CDH4: variants seen among roughly 807,000 people sequenced by gnomAD.
CDH4 encodes the protein cadherin 4.
Under a neutral mutation model 86.0 loss-of-function variants are expected in CDH4, and 33 were observed. That is an observed-to-expected ratio of 0.38 (90% CI 0.29 to 0.51). The LOEUF (loss-of-function observed/expected upper bound fraction) is 0.51, where lower values mean the gene tolerates loss of function less well. CDH4 is among the 20% of genes least tolerant of loss of function. The probability of loss-of-function intolerance (pLI) is 0.86; values close to 1 mark genes in which losing one functional copy is unlikely to be tolerated. For missense variants in CDH4, 1,114 were observed against 1,307.4 expected, an observed-to-expected ratio of 0.85 and a Z score of 2.28; for synonymous variants, 555 against 549.4, an observed-to-expected ratio of 1.01 and a Z score of -0.14.
At chr20:61,777,777 C>G (rs1465213923) in intron 4 of CDH4, among the ~76,000 whole-genome samples, 3 of 147,706 alleles carry the variant, frequency 2.0e-5, no homozygotes, top group African/African-American at 7.5e-5. Flanking sequence ...CATACAAAAA[C>G]ACACATCCAC....
At chr20:61,891,553 C>A (rs1391550653) in intron 7 of CDH4, among the ~76,000 whole-genome samples, 1 of 152,256 alleles carries the variant, frequency 6.6e-6, no homozygotes, top group African/African-American at 2.4e-5. Context: ...TCCGAGAGGC[C>A]CCTGACACCT....
At chr20:61,579,285 ATTTTTTTTT>A (rs11483950) in intron 2 of CDH4, among the ~76,000 whole-genome samples, 5 of 129,568 alleles carry the variant, frequency 3.9e-5, no homozygotes, top group African/African-American at 5.9e-5. Flanking sequence ...CTCGATGGAG[ATTTTTTTTT>A]TTTTTTTTTT....
intron 2 of CDH4, among the ~76,000 whole-genome samples, chr20:61,630,071 T>A (rs2086870646): frequency 6.6e-6 from 1 of 152,102 alleles, no homozygotes; most frequent in East Asian, 1.9e-4. Flanking sequence ...AGAGGCAGCA[T>A]CAGCCCCAGA....
intron 3 of CDH4, among the ~76,000 whole-genome samples, chr20:61,751,902 G>T (rs558542225): frequency 6.6e-6 from 1 of 152,210 alleles, no homozygotes; most frequent in African/African-American, 2.4e-5. Flanking sequence ...TCCATTTGAG[G>T]TGGACTGAAA....
rs543489740 is a variant in CDH4 at position 61,258,736 on chromosome 20, C to T, written c.169+3799C>T. ...CATGTGCCTGCCTAATCCTCTTCTT[C>T]CATTCTGCCATCTTTAGTGTGTCAT... On this transcript the variant is annotated intron_variant, in intron 2 of 15. Transcript: ENST00000614565. 2.6e-5 allele frequency among the ~76,000 whole-genome samples: 4 copies of T among 152,346 alleles called. No homozygotes were observed. The East Asian group carries it at 7.7e-4, about 29-fold the overall frequency.
At chr20:61,444,720 T>G (rs559696303) in intron 2 of CDH4, among the ~76,000 whole-genome samples, 1 of 148,616 alleles carries the variant, frequency 6.7e-6, no homozygotes, top group East Asian at 2.0e-4. Context: ...TATATTTGTG[T>G]GTATATGTAT....
At chr20:61,657,035 C>T (rs746982713) in intron 2 of CDH4, among the ~76,000 whole-genome samples, 6 of 152,214 alleles carry the variant, frequency 3.9e-5, no homozygotes, top group African/African-American at 7.2e-5. Context: ...TCTGCAGAGT[C>T]TAGAGCCATT....
At position 61,857,079 on chromosome 20, in the gene CDH4, C is replaced by G. The variant is rs893925048; in HGVS notation, c.877+4181C>G. ...GGAGCGTGTCTTTCCCAAGAGTCCC[C>G]GCAAAAGTCCCAAGGCAGGTTCTCG... On this transcript the variant is annotated intron_variant, in intron 6 of 15. Coordinates refer to ENST00000614565, the MANE Select transcript of CDH4 (RefSeq NM_001794.5). Among the ~76,000 whole-genome samples the G allele has an allele frequency of 2.6e-5, 4 of 152,242 alleles. No homozygotes were observed. In the South Asian group the frequency reaches 8.3e-4, roughly 31 times the overall value.
chr20:61,670,465 C>A (rs1420125599), intron 2 of CDH4, among the ~76,000 whole-genome samples: 1 of 152,174 alleles, frequency 6.6e-6, no homozygotes, highest in East Asian at 1.9e-4. Flanking sequence ...CATCACGTGT[C>A]CCCTGATGGA....
At chr20:61,578,624 C>T (rs947042713) in intron 2 of CDH4, among the ~76,000 whole-genome samples, 24 of 152,176 alleles carry the variant, frequency 1.6e-4, no homozygotes, top group Admixed American at 1.4e-3. Flanking sequence ...AAGGGGTGGT[C>T]GGCCAGGATT....
intron 2 of CDH4, among the ~76,000 whole-genome samples, chr20:61,383,471 GA>G (rs1568822825): frequency 5.5e-5 from 2 of 36,552 alleles, no homozygotes; most frequent in South Asian, 6.9e-4. Flanking sequence ...AGATATATAT[GA>G]ATATATATGA....
chr20:61,445,517 A>G (rs1892308), intron 2 of CDH4, among the ~76,000 whole-genome samples: 87,254 of 151,832 alleles, frequency 0.57, 25,261 homozygotes, highest in African/African-American at 0.64. Flanking sequence ...GGGCAAGACC[A>G]ATGCCCCTCA....
At chr20:61,369,032 T>A (rs73134334) in intron 2 of CDH4, among the ~76,000 whole-genome samples, 26,763 of 152,156 alleles carry the variant, frequency 0.18, 3,038 homozygotes, top group East Asian at 0.37. Flanking sequence ...CAACATTCTG[T>A]AGTTCGTAGC....
At chr20:61,447,578 C>T (rs2085358682) in intron 2 of CDH4, among the ~76,000 whole-genome samples, 1 of 151,426 alleles carries the variant, frequency 6.6e-6, no homozygotes, top group Admixed American at 6.6e-5. Context: ...CCTACTTTCC[C>T]CTTTCCCACT....
At chr20:61,860,562 G>A (rs1181095420) in intron 6 of CDH4, among the ~76,000 whole-genome samples, 2 of 152,188 alleles carry the variant, frequency 1.3e-5, no homozygotes, top group Admixed American at 1.3e-4. Flanking sequence ...GTCTGGGAGG[G>A]AGGAGGAGGT....
chr20:61,723,267 AG>A (rs1220186535), intron 2 of CDH4, among the ~76,000 whole-genome samples: 1 of 152,160 alleles, frequency 6.6e-6, no homozygotes. Context: ...CCCCTGCCCA[AG>A]GGCAGCCTCA....
At chr20:61,585,649 G>A (rs1021701820) in intron 2 of CDH4, among the ~76,000 whole-genome samples, 3 of 151,372 alleles carry the variant, frequency 2.0e-5, no homozygotes, top group Admixed American at 6.6e-5. Context: ...GATGATGATG[G>A]TGATGGTGAT....
At position 61,681,896 on chromosome 20, in the gene CDH4, AT is replaced by A. The variant is rs201438124; in HGVS notation, c.170-61666del. ...AGCAGGTTCAGCAGAAAATGACGTG[AT>A]GCCAAGGCCAGGGCTGTGAACTTGC... On this transcript the variant is annotated intron_variant, in intron 2 of 15. Coordinates refer to ENST00000614565, the MANE Select transcript of CDH4 (RefSeq NM_001794.5). This position sits in a 1 kb window ranked among gnomAD's most constrained non-coding sequence, Gnocchi z 4.5. 8.8e-3 allele frequency among the ~76,000 whole-genome samples: 1,336 copies of A among 152,346 alleles called. 23 individuals are homozygous for A. The highest frequency in any genetic ancestry group is 0.027 in the African/African-American group (1,108 of 41,574).
chr20:61,804,065 A>G (rs559100932), intron 4 of CDH4, among the ~76,000 whole-genome samples: 1 of 152,350 alleles, frequency 6.6e-6, no homozygotes, highest in South Asian at 2.1e-4. Flanking sequence ...TGCTCTCCAC[A>G]CGAGCTTGTT....
Sources: gnomAD v4.1 joint callset for allele counts (sites outside exome capture counted in the v4.1 genomes callset) on GRCh38, gnomAD v4.1.1 for gene constraint, Gnocchi (gnomAD v3.1) non-coding constraint, MANE v1.5 for transcripts, NCBI Gene and HGNC (gene_info 2026-07-23, HGNC 2026-07-21) for gene names.